The following CLMN variants were observed in gnomAD, a reference collection of about 807,000 sequenced individuals.
The protein encoded by CLMN is calmin (calponin-like, transmembrane).
In CLMN, 57 loss-of-function variants were observed where a neutral mutation model predicts 92.7. The observed-to-expected ratio is 0.61, with a 90% CI of 0.50 to 0.77. CLMN has a LOEUF of 0.77. Ranked by LOEUF, CLMN falls within the 30% of genes least tolerant of loss-of-function variation. The pLI, the probability that CLMN is intolerant of heterozygous loss-of-function variation, is 0.00. For synonymous variants in CLMN, 466 were observed against 470.6 expected (o/e 0.99, Z 0.13); for missense variants, 1,158 against 1,237.5 (o/e 0.94, Z 0.96).
rs755348420 is a variant in CLMN at position 95,203,851 on chromosome 14, T to C, written c.1498A>G (p.Asn500Asp). The C allele has an allele frequency of 1.2e-6, 2 of 1,614,162 alleles. No homozygotes were observed. Among genetic ancestry groups the C allele is most frequent in the Non-Finnish European group, 1.7e-6 (2 of 1,180,008 alleles). ...CAGGAAGAAGACTGAGAATTATTGT[T>C]TGTGCCCTCCACCAAAAAAATGTCA... ...AGDIFLVEGTNNNSQSSSCNG... is the reference protein window; with the variant it reads ...AGDIFLVEGTDNNSQSSSCNG... The change falls in exon 9 of 13, where the codon AAC (asparagine) becomes GAC (aspartate). Residue 500 changes from asparagine to aspartate, a missense_variant. Coordinates refer to ENST00000298912, the MANE Select transcript of CLMN (RefSeq NM_024734.4).
chr14:95,273,768 G>A (rs557759816), intron 1 of CLMN, among the ~76,000 whole-genome samples: 11 of 152,160 alleles, frequency 7.2e-5, no homozygotes, highest in African/African-American at 2.7e-4. Flanking sequence ...GCCCTTCCGT[G>A]CCTGAGTGTC....
chr14:95,286,901 T>C (rs957657392), intron 1 of CLMN, among the ~76,000 whole-genome samples: 2 of 152,174 alleles, frequency 1.3e-5, no homozygotes, highest in Non-Finnish European at 2.9e-5. Flanking sequence ...AAAGTTTGCA[T>C]GCAACTTTGC....
intron 5 of CLMN, among the ~76,000 whole-genome samples, chr14:95,214,131 A>T (rs1235952701): frequency 6.6e-6 from 1 of 151,978 alleles, no homozygotes; most frequent in African/African-American, 2.4e-5. Flanking sequence ...GTGATCCTAA[A>T]GGGTCATGAG....
intron 1 of CLMN, among the ~76,000 whole-genome samples, chr14:95,245,255 AT>A (rs1566891380): frequency 2.5e-4 from 10 of 39,452 alleles, no homozygotes; most frequent in African/African-American, 1.4e-3. Context: ...TATATATATA[AT>A]ATATATATAT....
intron 1 of CLMN, among the ~76,000 whole-genome samples, chr14:95,289,785 T>G (rs1344913879): frequency 4.6e-5 from 7 of 152,100 alleles, no homozygotes; most frequent in Admixed American, 4.6e-4. Context: ...CCCCATCCTC[T>G]TAGGAGCTGG....
At position 95,264,115 on chromosome 14, in the gene CLMN, C is replaced by G. The variant is rs543080730; in HGVS notation, c.83-33982G>C. 3.9e-5 allele frequency among the ~76,000 whole-genome samples: 6 copies of G among 152,218 alleles called. No homozygotes were observed. The East Asian group carries it at 1.2e-3, about 29-fold the overall frequency. On this transcript the variant is annotated intron_variant, in intron 1 of 12. Transcript: ENST00000298912. The stretch of plus-strand genomic sequence containing the variant: ...TGCAGTGGCACCATCTCAGCTCACA[C>G]TGCAGCCCTGACCTCCTGGGTTCCA...
chr14:95,193,827 AACCTG>A lies in CLMN; in HGVS notation c.2840+17_2840+21del. 6.2e-7 allele frequency: 1 copy of A among 1,612,390 alleles called. No homozygotes were observed. On this transcript the variant is annotated intron_variant, in intron 12 of 12. Coordinates refer to ENST00000298912, the MANE Select transcript of CLMN (RefSeq NM_024734.4). ...AAACATTTTATTACTACCCCCACAA[AACCTG>A]AAGTAAAGCCACCAACCTGGTTAAT...
At chr14:95,204,712 C>G (rs193168657) in intron 8 of CLMN, among the ~76,000 whole-genome samples, 1 of 152,250 alleles carries the variant, frequency 6.6e-6, no homozygotes, top group African/African-American at 2.4e-5. Flanking sequence ...ATATAAAATA[C>G]CATGTTTTTT....
At chr14:95,245,721 T>C (rs1341046641) in intron 1 of CLMN, among the ~76,000 whole-genome samples, 1 of 148,510 alleles carries the variant, frequency 6.7e-6, no homozygotes, top group Non-Finnish European at 1.5e-5. Flanking sequence ...GATGGATGGA[T>C]AGGTGGATGG....
Position 95,191,956 on chromosome 14 carries a change from T to C in CLMN, c.2841-224A>G. 1 of 439,796 alleles carries C rather than the reference T, an allele frequency of 2.3e-6. No homozygotes were observed. 27.2% of individuals were successfully genotyped at this position (439,796 alleles called of 1,614,324 possible). On this transcript the variant is annotated intron_variant, in intron 12 of 12. Transcript: ENST00000298912. The surrounding 1 kb of genome is among the most constrained non-coding windows in gnomAD (Gnocchi z 5.3). Reference sequence around the variant, plus strand: ...AGCTTTTGCACGTACTCCGTTCATCTCCATAACATCAGGTGAGAGGAGGTG... The same window carrying C: ...AGCTTTTGCACGTACTCCGTTCATCCCCATAACATCAGGTGAGAGGAGGTG...
At chr14:95,295,917 T>C (rs905584541) in intron 1 of CLMN, among the ~76,000 whole-genome samples, 2 of 152,240 alleles carry the variant, frequency 1.3e-5, no homozygotes, top group African/African-American at 2.4e-5. Context: ...GTTTCCCTTG[T>C]TGTAACAAAT....
At chr14:95,315,064 A>G (rs1278648937) in intron 1 of CLMN, among the ~76,000 whole-genome samples, 1 of 151,868 alleles carries the variant, frequency 6.6e-6, no homozygotes, top group Admixed American at 6.6e-5. Flanking sequence ...ATCCCATCCC[A>G]CTGCTGTGTG....
chr14:95,315,904 A>G (rs1901747916), intron 1 of CLMN, among the ~76,000 whole-genome samples: 1 of 152,192 alleles, frequency 6.6e-6, no homozygotes, highest in South Asian at 2.1e-4. Context: ...CTCGACACAC[A>G]TGTGCTAAAC....
At chr14:95,211,588 T>C (rs989569799) in intron 6 of CLMN, among the ~76,000 whole-genome samples, 1 of 151,694 alleles carries the variant, frequency 6.6e-6, no homozygotes, top group Admixed American at 6.6e-5. Context: ...CAGGCACTAA[T>C]TTCCTGTAGA....
chr14:95,314,673 G>A lies in CLMN; in HGVS notation c.82+5038C>T, dbSNP rs59538826. 2.0e-3 allele frequency among the ~76,000 whole-genome samples: 298 copies of A among 152,310 alleles called. 2 individuals are homozygous for A. The highest frequency in any genetic ancestry group is 6.8e-3 in the African/African-American group (283 of 41,564). On this transcript the variant is annotated intron_variant, in intron 1 of 12. Coordinates refer to ENST00000298912, the MANE Select transcript of CLMN (RefSeq NM_024734.4). ...GGTCTTGGTTGTGGCTTCCGCAGCC[G>A]CACAATGCTCCACCTGGAAAGGCCC...
intron 1 of CLMN, among the ~76,000 whole-genome samples, chr14:95,314,021 C>A (rs538805249): frequency 6.6e-6 from 1 of 151,100 alleles, no homozygotes; most frequent in South Asian, 2.1e-4. Flanking sequence ...GCTGCTGACA[C>A]GTGATTCTGT....
At chr14:95,275,424 T>C (rs942335541) in intron 1 of CLMN, among the ~76,000 whole-genome samples, 14 of 152,160 alleles carry the variant, frequency 9.2e-5, no homozygotes, top group Admixed American at 8.5e-4. Flanking sequence ...AATGCATTAG[T>C]ATGCTACAAG....
intron 1 of CLMN, among the ~76,000 whole-genome samples, chr14:95,299,694 T>C (rs574155163): frequency 2.6e-4 from 40 of 152,300 alleles, no homozygotes; most frequent in African/African-American, 9.6e-4. Flanking sequence ...CTAAGCTGTG[T>C]GATCATCACC....
rs1288574783 is a variant in CLMN at position 95,319,907 on chromosome 14, G to GC, written c.-116dup. On this transcript the variant is annotated 5_prime_UTR_variant, in exon 1 of 13. Transcript: ENST00000298912. ...GCGAGGGCGCCGCGGAGCTGGAGTC[G>GC]CGGCGGGCGCGGGCGGGGCGCGGGC... is the stretch of plus-strand genomic sequence containing the variant. 3.1e-5 allele frequency: 9 copies of GC among 292,078 alleles called. No homozygotes were observed. Among genetic ancestry groups the GC allele is most frequent in the African/African-American group, 1.8e-4 (7 of 38,930 alleles). 18.1% of individuals were successfully genotyped at this position (292,078 alleles called of 1,614,324 possible).
Sources: gnomAD v4.1 joint callset for allele counts (sites outside exome capture counted in the v4.1 genomes callset) on GRCh38, gnomAD v4.1.1 for gene constraint, Gnocchi (gnomAD v3.1) non-coding constraint, MANE v1.5 for transcripts, NCBI Gene and HGNC (gene_info 2026-07-23, HGNC 2026-07-21) for gene names.